Variants in RBFOX1 observed in about 807,000 individuals in gnomAD.
RBFOX1 encodes the protein RNA binding fox-1 homolog 1.
Under a neutral mutation model 57.7 loss-of-function variants are expected in RBFOX1, and 8 were observed. That is an observed-to-expected ratio of 0.14 (90% CI 0.08 to 0.25). The LOEUF is 0.25. Ranked by LOEUF, RBFOX1 falls within the 10% of genes least tolerant of loss-of-function variation. The pLI is 1.00. For missense variants in RBFOX1, 611 were observed against 548.5 expected, an observed-to-expected ratio of 1.11 and a Z score of -1.14; for synonymous variants, 326 against 222.4, an observed-to-expected ratio of 1.47 and a Z score of -4.15.
At chr16:7,055,365 A>G (rs1260024759) in intron 4 of RBFOX1, among the ~76,000 whole-genome samples, 1 of 152,150 alleles carries the variant, frequency 6.6e-6, no homozygotes, top group East Asian at 1.9e-4. Flanking sequence ...GTTATTTACA[A>G]AAATAAATAA....
chr16:6,351,965 C>A (rs1408352581), intron 2 of RBFOX1, among the ~76,000 whole-genome samples: 1 of 152,134 alleles, frequency 6.6e-6, no homozygotes, highest in Non-Finnish European at 1.5e-5. Flanking sequence ...AGAATTTATA[C>A]ACTGCAGAAC....
chr16:7,665,736 G>GGAGAT (rs1195292451), intron 13 of RBFOX1, among the ~76,000 whole-genome samples: 1 of 152,068 alleles, frequency 6.6e-6, no homozygotes, highest in African/African-American at 2.4e-5. Flanking sequence ...GGCAGTGTTG[G>GGAGAT]GAGATATTCC....
chr16:6,707,478 G>GTTTTTTTTTTTT (rs61418784), intron 3 of RBFOX1, among the ~76,000 whole-genome samples: 18 of 128,304 alleles, frequency 1.4e-4, no homozygotes, highest in East Asian at 4.6e-4. Context: ...TCCCATTTTT[G>GTTTTTTTTTTTT]TTTTTTTTTT....
rs148230993 is a variant in RBFOX1 at position 7,516,104 on chromosome 16, C to G, written c.28-2043C>G. On this transcript the variant is annotated intron_variant, in intron 4 of 15. Coordinates refer to ENST00000550418, the MANE Select transcript of RBFOX1 (RefSeq NM_018723.4). ...AAGTGATCCACCCACCTTGGCCTCCCAAAGTGCTGGAATTACAGGCATGAG... is the reference window on the plus strand; with the variant it reads ...AAGTGATCCACCCACCTTGGCCTCCGAAAGTGCTGGAATTACAGGCATGAG... Among the ~76,000 whole-genome samples, 1,417 of 152,282 alleles carry G rather than the reference C, an allele frequency of 9.3e-3. 27 individuals carry two copies. The highest frequency in any genetic ancestry group is 0.032 in the African/African-American group (1,323 of 41,548).
intron 1 of RBFOX1, among the ~76,000 whole-genome samples, chr16:6,195,169 T>C (rs953976752): frequency 6.6e-6 from 1 of 152,160 alleles, no homozygotes; most frequent in African/African-American, 2.4e-5. Context: ...TACGACATAT[T>C]TTCCTTTATA....
In RBFOX1 at chr16:6,152,628, T is replaced by C. The variant is rs148188343; in HGVS notation, c.-127+132636T>C. 1.6e-3 allele frequency among the ~76,000 whole-genome samples: 249 copies of C among 152,332 alleles called. 4 individuals are homozygous for C. In the East Asian group the frequency reaches 0.043, roughly 26 times the overall value. On this transcript the variant is annotated intron_variant, in intron 1 of 15. Transcript: ENST00000550418. Reference sequence around the variant, plus strand: ...AATCTAATTACACTAGAAATATTACTACAAGCGCTTCATTGAAAATTGCTA... The same window carrying C: ...AATCTAATTACACTAGAAATATTACCACAAGCGCTTCATTGAAAATTGCTA...
intron 3 of RBFOX1, among the ~76,000 whole-genome samples, chr16:6,690,943 A>G (rs573806397): frequency 1.5e-4 from 23 of 152,112 alleles, no homozygotes; most frequent in African/African-American, 5.3e-4. Flanking sequence ...TCAACCTGTG[A>G]TGAGGTTGGC....
At chr16:7,275,934 C>G (rs1383749672) in intron 4 of RBFOX1, among the ~76,000 whole-genome samples, 1 of 152,174 alleles carries the variant, frequency 6.6e-6, no homozygotes, top group African/African-American at 2.4e-5. Flanking sequence ...TAGAAGTAAT[C>G]TCCAAACACC....
At chr16:6,855,894 C>A (rs558540135) in intron 3 of RBFOX1, among the ~76,000 whole-genome samples, 1 of 144,086 alleles carries the variant, frequency 6.9e-6, no homozygotes, top group South Asian at 2.3e-4. Context: ...TTGTCTCCCT[C>A]CTTACCTCCC....
intron 1 of RBFOX1, among the ~76,000 whole-genome samples, chr16:5,425,155 G>T (rs1348958856): frequency 4.9e-5 from 7 of 141,916 alleles, no homozygotes; most frequent in African/African-American, 1.5e-4. Flanking sequence ...GCCCAGGCTG[G>T]AGTGCAGTGG....
At chr16:7,488,712 A>C (rs1354329994) in intron 4 of RBFOX1, among the ~76,000 whole-genome samples, 2 of 152,132 alleles carry the variant, frequency 1.3e-5, no homozygotes, top group East Asian at 3.9e-4. Flanking sequence ...TCCCTTATCT[A>C]GCTATACATT....
intron 4 of RBFOX1, among the ~76,000 whole-genome samples, chr16:7,325,953 C>T (rs2096605917): frequency 6.6e-6 from 1 of 152,138 alleles, no homozygotes; most frequent in Non-Finnish European, 1.5e-5. Flanking sequence ...TGTCATTTCT[C>T]AGTTCTGGTT....
chr16:6,800,424 C>T (rs1298317853), intron 3 of RBFOX1, among the ~76,000 whole-genome samples: 1 of 152,096 alleles, frequency 6.6e-6, no homozygotes, highest in Non-Finnish European at 1.5e-5. Context: ...CAGTGATAGG[C>T]ATTGCCTGGG....
intron 2 of RBFOX1, among the ~76,000 whole-genome samples, chr16:5,468,187 G>A (rs1472001224): frequency 1.3e-5 from 2 of 152,142 alleles, no homozygotes; most frequent in African/African-American, 4.8e-5. Context: ...AAATTGTGTT[G>A]AGGTGAAATT....
chr16:6,472,757 G>T (rs1372801427), intron 2 of RBFOX1, among the ~76,000 whole-genome samples: 3 of 151,786 alleles, frequency 2.0e-5, no homozygotes, highest in South Asian at 2.1e-4. Context: ...TGAGTAGTTG[G>T]GATTACAGGC....
intron 4 of RBFOX1, among the ~76,000 whole-genome samples, chr16:7,124,946 A>G (rs2068113611): frequency 6.6e-6 from 1 of 152,148 alleles, no homozygotes; most frequent in African/African-American, 2.4e-5. Flanking sequence ...AAGTGGTGCC[A>G]TTAGCTCAAT....
intron 1 of RBFOX1, among the ~76,000 whole-genome samples, chr16:6,298,547 C>T (rs1012801668): frequency 3.3e-5 from 5 of 152,308 alleles, no homozygotes; most frequent in South Asian, 2.1e-4. Flanking sequence ...CAGTTGAACG[C>T]AGCTGTAAAG....
At chr16:7,477,856 A>T (rs1016022508) in intron 4 of RBFOX1, among the ~76,000 whole-genome samples, 1 of 152,206 alleles carries the variant, frequency 6.6e-6, no homozygotes, top group East Asian at 1.9e-4. Context: ...CAGAGATAAT[A>T]TCAGAGGGCT....
At chr16:6,525,192 C>G (rs1053648096) in intron 2 of RBFOX1, among the ~76,000 whole-genome samples, 4 of 152,112 alleles carry the variant, frequency 2.6e-5, no homozygotes, top group South Asian at 2.1e-4. Context: ...AGAAGGCAAA[C>G]AAGAAGATAA....
Sources: allele counts gnomAD v4.1 joint callset (sites outside exome capture counted in the v4.1 genomes callset), GRCh38; gene constraint gnomAD v4.1.1; transcripts MANE v1.5; gene names NCBI Gene and HGNC (gene_info 2026-07-23, HGNC 2026-07-21).